The following TRIO variants were observed in gnomAD, a reference collection of about 807,000 sequenced individuals.
TRIO encodes triple functional domain protein.
In TRIO, 58 loss-of-function variants were observed where a neutral mutation model predicts 351.9. The observed-to-expected ratio is 0.16, with a 90% CI of 0.13 to 0.21. The LOEUF (loss-of-function observed/expected upper bound fraction) is 0.21. Among genes scored for constraint, TRIO ranks in the 10% least tolerant of loss-of-function variants. TRIO has a pLI of 1.00. For missense variants in TRIO, 3,201 were observed against 4,027.8 expected (o/e 0.79, Z 5.56); for synonymous variants, 1,758 against 1,595.7 (o/e 1.10, Z -2.42).
intron 7 of TRIO, among the ~76,000 whole-genome samples, chr5:14,300,841 C>A (rs1046852230): frequency 3.9e-5 from 6 of 152,184 alleles, no homozygotes; most frequent in African/African-American, 9.7e-5. Flanking sequence ...TATAAAAGTT[C>A]ACTTCCCATA....
In TRIO at chr5:14,396,908, T is replaced by C. The variant is rs1337062479; in HGVS notation, c.4312-135T>C. On this transcript the variant is annotated intron_variant, in intron 28 of 56. Coordinates refer to ENST00000344204, the MANE Select transcript of TRIO (RefSeq NM_007118.4). ...ATAAAGAGGTAGTAGTTTATTTCTA[T>C]GAGAACATATGCCCAGTTGACCACA... 9 of 688,040 alleles carry C rather than the reference T, an allele frequency of 1.3e-5. No homozygotes were observed. The Admixed American group carries it at 2.5e-4, about 19-fold the overall frequency. 42.6% of individuals were successfully genotyped at this position (688,040 alleles called of 1,614,324 possible). A position where few individuals can be genotyped will look rare whatever the true frequency, so the allele number is the denominator to read the frequency against.
intron 2 of TRIO, among the ~76,000 whole-genome samples, chr5:14,274,641 G>C (rs1464480788): frequency 6.6e-6 from 1 of 152,148 alleles, no homozygotes; most frequent in African/African-American, 2.4e-5. Context: ...GTTCATACAG[G>C]AGAAGTAGGA....
intron 18 of TRIO, among the ~76,000 whole-genome samples, chr5:14,371,759 G>C (rs542425651): frequency 6.6e-6 from 1 of 150,982 alleles, no homozygotes; most frequent in East Asian, 2.0e-4. Context: ...TCCCACCTCC[G>C]CCCCCCTAGG....
chr5:14,454,730 C>T (rs1431119768), intron 34 of TRIO, among the ~76,000 whole-genome samples: 1 of 152,234 alleles, frequency 6.6e-6, no homozygotes, highest in Non-Finnish European at 1.5e-5. Context: ...TTCCTGCCTT[C>T]ACAGTTGCCC....
intron 48 of TRIO, chr5:14,488,615 C>T (rs892740053): frequency 3.0e-5 from 15 of 497,626 alleles, no homozygotes; most frequent in Non-Finnish European, 4.7e-5. Flanking sequence ...CTGCTCTCTA[C>T]CTCCTGTTTA....
At chr5:14,406,488 T>C (rs1748728862) in intron 32 of TRIO, 85 bp from the exon 33 acceptor site, 7 of 1,309,644 alleles carry the variant, frequency 5.3e-6, no homozygotes, top group Non-Finnish European at 7.7e-6. Flanking sequence ...AAGGCTGATA[T>C]GCACCTCATT....
At chr5:14,262,643 G>A (rs879055719) in intron 1 of TRIO, among the ~76,000 whole-genome samples, 1 of 152,086 alleles carries the variant, frequency 6.6e-6, no homozygotes, top group Non-Finnish European at 1.5e-5. Flanking sequence ...GCAGAGACAG[G>A]GGTGCTTCAT....
intron 34 of TRIO, among the ~76,000 whole-genome samples, chr5:14,446,002 C>T (rs1752410198): frequency 1.3e-5 from 2 of 152,250 alleles, no homozygotes; most frequent in Non-Finnish European, 2.9e-5. Flanking sequence ...CCGTGCCTTT[C>T]ATCACACCAC....
At position 14,230,206 on chromosome 5, in the gene TRIO, AT is replaced by A. The variant is rs1327870700; in HGVS notation, c.158-40618del. 5.3e-5 allele frequency among the ~76,000 whole-genome samples: 8 copies of A among 152,340 alleles called. No homozygotes were observed. In the South Asian group the frequency reaches 1.7e-3, roughly 32 times the overall value. ...ACTGAAGTAGAGATTTCCTCCACTT[AT>A]GTGATAGTTCCTCTCCTGAAAAATA... is the stretch of plus-strand genomic sequence containing the variant. On this transcript the variant is annotated intron_variant, in intron 1 of 56. Coordinates refer to ENST00000344204, the MANE Select transcript of TRIO (RefSeq NM_007118.4).
chr5:14,147,623 C>T (rs1787594021), intron 1 of TRIO, among the ~76,000 whole-genome samples: 1 of 152,218 alleles, frequency 6.6e-6, no homozygotes, highest in African/African-American at 2.4e-5. Context: ...TCGACTCCTC[C>T]TGCAGCCCCT....
At chr5:14,362,161 T>G (rs561643403) in intron 13 of TRIO, among the ~76,000 whole-genome samples, 3 of 152,208 alleles carry the variant, frequency 2.0e-5, no homozygotes, top group African/African-American at 7.2e-5. Flanking sequence ...CAGAGGACAG[T>G]ACAGTGGAAC....
At chr5:14,335,726 A>G (rs1246780098) in intron 10 of TRIO, among the ~76,000 whole-genome samples, 2 of 152,196 alleles carry the variant, frequency 1.3e-5, no homozygotes, top group Non-Finnish European at 1.5e-5. Context: ...GTACTTTGGG[A>G]GGCCAAGACG....
intron 40 of TRIO, 82 bp from the exon 41 acceptor site, chr5:14,476,797 AAAAAAAGAAAAAAAG>A: frequency 2.7e-6 from 3 of 1,120,142 alleles, no homozygotes; most frequent in South Asian, 1.5e-5. Flanking sequence ...CTCTCAAAAA[AAAAAAAGAAAAAAAG>A]AAAAAGAAAA....
At chr5:14,278,102 G>A (rs1023483239) in intron 2 of TRIO, among the ~76,000 whole-genome samples, 3 of 152,140 alleles carry the variant, frequency 2.0e-5, no homozygotes, top group Admixed American at 6.5e-5. Flanking sequence ...ATGACTCAGC[G>A]CCTAAGCAGA....
At chr5:14,255,339 G>C (rs765858461) in intron 1 of TRIO, among the ~76,000 whole-genome samples, 4 of 152,206 alleles carry the variant, frequency 2.6e-5, no homozygotes, top group Non-Finnish European at 5.9e-5. Context: ...GGATGGGGCT[G>C]TTCATGGCAG....
rs960014272 is a variant in TRIO, at chr5:14,476,808, A to G, written c.6084-86A>G. 496 of 1,020,892 alleles carry G rather than the reference A, an allele frequency of 4.9e-4. 1 individual carries two copies. Among genetic ancestry groups the G allele is most frequent in the Admixed American group, 8.0e-4 (21 of 26,126 alleles). The allele number at this position is 1,020,892 out of a possible 1,614,324, so 63.2% of individuals were successfully genotyped here. ...CACTCTCTCAAAAAAAAAAAAGAAA[A>G]AAAGAAAAAGAAAAAATGTAAACCT... On this transcript the variant is annotated intron_variant, in intron 40 of 56. Coordinates refer to ENST00000344204, the MANE Select transcript of TRIO (RefSeq NM_007118.4).
At chr5:14,159,861 G>A (rs768101883) in intron 1 of TRIO, among the ~76,000 whole-genome samples, 4 of 152,166 alleles carry the variant, frequency 2.6e-5, no homozygotes, top group Non-Finnish European at 5.9e-5. Context: ...CACCGCGTCC[G>A]GCCGAGCTTT....
At chr5:14,306,387 A>AT (rs917159726) in intron 8 of TRIO, among the ~76,000 whole-genome samples, 1 of 152,178 alleles carries the variant, frequency 6.6e-6, no homozygotes, top group Non-Finnish European at 1.5e-5. Flanking sequence ...CACATTTATA[A>AT]TTTTTTTAAT....
chr5:14,247,039 T>G (rs1158717410), intron 1 of TRIO, among the ~76,000 whole-genome samples: 1 of 152,186 alleles, frequency 6.6e-6, no homozygotes, highest in East Asian at 1.9e-4. Context: ...AAACTACAGG[T>G]AGCAGGCCAC....
Sources: allele counts gnomAD v4.1 joint callset (sites outside exome capture counted in the v4.1 genomes callset), GRCh38; gene constraint gnomAD v4.1.1; transcripts MANE v1.5; gene names NCBI Gene and HGNC (gene_info 2026-07-23, HGNC 2026-07-21).